Variants in NUP58 observed in about 807,000 individuals in gnomAD.
The protein encoded by NUP58 is nucleoporin 58, also known as nucleoporin p58/p45.
In NUP58, 17 loss-of-function variants were observed where a neutral mutation model predicts 70.1. The observed-to-expected ratio is 0.24, with a 90% CI of 0.17 to 0.36. The LOEUF (loss-of-function observed/expected upper bound fraction) is 0.36. Among genes scored for constraint, NUP58 ranks in the 10% least tolerant of loss-of-function variants. The probability of loss-of-function intolerance (pLI) is 1.00; values close to 1 mark genes in which losing one functional copy is unlikely to be tolerated. For synonymous variants in NUP58, 275 were observed against 257.6 expected, an observed-to-expected ratio of 1.07 and a Z score of -0.65; for missense variants, 644 against 701.5, an observed-to-expected ratio of 0.92 and a Z score of 0.93.
intron 13 of NUP58, chr13:25,334,254 A>G: frequency 1.0e-6 from 1 of 985,336 alleles, no homozygotes; most frequent in Non-Finnish European, 1.2e-6. Flanking sequence ...AGACATTTAC[A>G]TTAGGCTTTT....
In NUP58 at chr13:25,327,416, A is replaced by G. The variant is rs1566067195; in HGVS notation, c.1151-14A>G. 9.0e-6 allele frequency: 14 copies of G among 1,553,484 alleles called. No individual in the cohort carries two copies. Among genetic ancestry groups the G allele is most frequent in the African/African-American group, 1.4e-5 (1 of 73,430 alleles). The stretch of plus-strand genomic sequence containing the variant: ...ATGTATATATTTGGGTGATAATGTA[A>G]TTTTCTTTTATAGATTTGTCAATGG... On this transcript the variant is annotated splice_polypyrimidine_tract_variant and intron_variant, in intron 11 of 15. Coordinates refer to ENST00000381736, the MANE Select transcript of NUP58 (RefSeq NM_014089.4).
intron 7 of NUP58, 88 bp downstream of exon 7, chr13:25,319,438 A>T (rs1321071481): frequency 8.0e-7 from 1 of 1,250,078 alleles, no homozygotes; most frequent in Non-Finnish European, 1.1e-6. Flanking sequence ...GAAAGTAAAT[A>T]TCATATACAT....
downstream of NUP58, among the ~76,000 whole-genome samples, chr13:25,346,257 T>G (rs1043561293): frequency 1.3e-5 from 2 of 152,282 alleles, no homozygotes; most frequent in South Asian, 2.1e-4. Context: ...CTGGGTAGTG[T>G]TGTTCCTTTT....
rs78934717 is a variant in NUP58 at position 25,332,698 on chromosome 13, C to T, written c.1435+1140C>T. 259 of 985,454 alleles carry T rather than the reference C, an allele frequency of 2.6e-4. 2 individuals are homozygous for T. The African/African-American group carries it at 4.1e-3, about 16-fold the overall frequency. 61.0% of individuals were successfully genotyped at this position (985,454 alleles called of 1,614,324 possible). ...GGTTGATGATAGATTTATGCCAAATCCTCCATATCCCGTGGCTGGACCCAT... is the reference window on the plus strand; with the variant it reads ...GGTTGATGATAGATTTATGCCAAATTCTCCATATCCCGTGGCTGGACCCAT... On this transcript the variant is annotated intron_variant, in intron 13 of 15. Transcript: ENST00000381736.
intron 13 of NUP58, chr13:25,336,395 T>G: frequency 1.4e-6 from 1 of 706,482 alleles, no homozygotes; most frequent in Non-Finnish European, 2.1e-6. Context: ...ATATTTCATA[T>G]GAGAAATCAT....
At chr13:25,346,780 G>C (rs761260849), downstream of NUP58, among the ~76,000 whole-genome samples, 6 of 151,814 alleles carry the variant, frequency 4.0e-5, no homozygotes, top group South Asian at 1.2e-3. Flanking sequence ...AATTTGGCCT[G>C]AGGGAATCAA....
In NUP58 at chr13:25,340,093, T is replaced by C; in HGVS notation, c.1759T>C (p.Leu587=). 1 of 1,613,484 alleles carries C rather than the reference T, an allele frequency of 6.2e-7. No individual in the cohort carries two copies. Among genetic ancestry groups the C allele is most frequent in the South Asian group, 1.1e-5 (1 of 90,954 alleles). ...TGGAACAGGAGGACAACTCCTTCAG[T>C]TGAAGAAACCTCCAGCTGGAAACAA... ...GFGTGGQLLQ[L]KKPPAGNKRG... The change falls in exon 16 of 16, where the codon TTG becomes CTG. Residue 587 remains leucine (L), a synonymous_variant. Transcript: ENST00000381736.
downstream of NUP58, among the ~76,000 whole-genome samples, chr13:25,345,622 G>T (rs948220818): frequency 1.2e-4 from 18 of 152,052 alleles, no homozygotes; most frequent in African/African-American, 4.4e-4. Context: ...GGTAAGCAGA[G>T]CCATTTTGAC....
chr13:25,328,336 G>T (rs2031479069), intron 12 of NUP58, among the ~76,000 whole-genome samples: 1 of 150,322 alleles, frequency 6.7e-6, no homozygotes, highest in Non-Finnish European at 1.5e-5. Flanking sequence ...GGAACTGTTT[G>T]TGTTTATTAA....
chr13:25,305,263 C>T (rs752015427), intron 1 of NUP58, among the ~76,000 whole-genome samples: 6 of 151,416 alleles, frequency 4.0e-5, no homozygotes, highest in Non-Finnish European at 7.4e-5. Context: ...TCCACCTCAG[C>T]TTCCTGAGTA....
chr13:25,313,236 A>G (rs937362139), intron 4 of NUP58, among the ~76,000 whole-genome samples: 1 of 152,232 alleles, frequency 6.6e-6, no homozygotes, highest in Non-Finnish European at 1.5e-5. Flanking sequence ...TAAAATGTAA[A>G]GCTGTTAATA....
rs752437180 is a variant in NUP58, at chr13:25,327,432, T to C, written c.1153T>C (p.Leu385=). The change falls in exon 12 of 16, where the codon TTG becomes CTG. Residue 385 remains leucine (L), a splice_region_variant and synonymous_variant. Coordinates refer to ENST00000381736, the MANE Select transcript of NUP58 (RefSeq NM_014089.4). ...GATAATGTAATTTTCTTTTATAGAT[T>C]TGTCAATGGCTATGCAGAAAATTTA... The part of the protein sequence containing the change: ...ANNSHITPQD[L]SMAMQKIYQT... 1.3e-6 allele frequency: 2 copies of C among 1,593,376 alleles called. No homozygotes were observed. The highest frequency in any genetic ancestry group is 4.5e-5 in the East Asian group (2 of 44,618).
intron 13 of NUP58, chr13:25,334,688 A>G: frequency 2.0e-6 from 2 of 979,422 alleles, no homozygotes; most frequent in Non-Finnish European, 2.4e-6. Context: ...GTGATCATGG[A>G]AAATTATAAA....
chr13:25,343,805 G>GTATATATATATATATATATATATA (rs59054918), downstream of NUP58, among the ~76,000 whole-genome samples: 5 of 137,652 alleles, frequency 3.6e-5, no homozygotes, highest in East Asian at 4.4e-4. Context: ...ACATATATAT[G>GTATATATATATATATATATATATA]TATATATATA....
intron 12 of NUP58, among the ~76,000 whole-genome samples, chr13:25,328,523 AT>A (rs1403982362): frequency 6.6e-6 from 1 of 151,158 alleles, no homozygotes; most frequent in African/African-American, 2.4e-5. Flanking sequence ...AGCCTCCTGA[AT>A]AGCTGGGACT....
At chr13:25,321,956 T>C (rs2031205308) in intron 9 of NUP58, among the ~76,000 whole-genome samples, 1 of 152,282 alleles carries the variant, frequency 6.6e-6, no homozygotes, top group Non-Finnish European at 1.5e-5. Context: ...ATGTGGCTAA[T>C]GTTGTCTGTC....
intron 1 of NUP58, among the ~76,000 whole-genome samples, chr13:25,303,552 A>T (rs994193715): frequency 3.9e-5 from 6 of 152,020 alleles, no homozygotes; most frequent in Admixed American, 6.6e-5. Flanking sequence ...TCTCTTTTCA[A>T]GTGGGCTTTG....
chr13:25,314,932 A>C (rs1485728913), intron 5 of NUP58, among the ~76,000 whole-genome samples: 1 of 152,168 alleles, frequency 6.6e-6, no homozygotes, highest in Non-Finnish European at 1.5e-5. Context: ...TGTTATATTC[A>C]AATGTTATAA....
At chr13:25,332,777 G>A in intron 13 of NUP58, 1 of 985,428 alleles carries the variant, frequency 1.0e-6, no homozygotes, top group Non-Finnish European at 1.2e-6. Flanking sequence ...TGGCTGGAGT[G>A]TAGGATTGCA....
Sources: gnomAD v4.1 joint callset for allele counts (sites outside exome capture counted in the v4.1 genomes callset) on GRCh38, gnomAD v4.1.1 for gene constraint, MANE v1.5 for transcripts, NCBI Gene and HGNC (gene_info 2026-07-23, HGNC 2026-07-21) for gene names.